The following KLRK1 variants were observed in gnomAD, a reference collection of about 807,000 sequenced individuals.
The protein encoded by KLRK1 is NKG2-D type II integral membrane protein.
Under a neutral mutation model 31.3 loss-of-function variants are expected in KLRK1, and 40 were observed. That is an observed-to-expected ratio of 1.28 (90% CI 0.99 to 1.67). The LOEUF (loss-of-function observed/expected upper bound fraction) is 1.67. Among genes scored for constraint, KLRK1 ranks in the 40% most tolerant of loss-of-function variants. The probability of loss-of-function intolerance (pLI) is 0.00; values close to 1 mark genes in which losing one functional copy is unlikely to be tolerated. For missense variants in KLRK1, 251 were observed against 260.0 expected, an observed-to-expected ratio of 0.97 and a Z score of 0.24; for synonymous variants, 77 against 77.3, an observed-to-expected ratio of 1.00 and a Z score of 0.02.
intron 7 of KLRK1, chr12:10,373,890 C>CA (rs1368496362): frequency 1.3e-5 from 2 of 151,954 alleles, no homozygotes; most frequent in Non-Finnish European, 2.9e-5. Flanking sequence ...GTAAAATTGA[C>CA]AAAAAAATAA....
At chr12:10,379,098 C>T (rs1310413921) in intron 5 of KLRK1, 3 of 179,496 alleles carry the variant, frequency 1.7e-5, no homozygotes, top group Non-Finnish European at 3.4e-5. Context: ...GGTTGCAGTC[C>T]CAGGTACTTG....
intron 3 of KLRK1, among the ~76,000 whole-genome samples, chr12:10,383,351 G>C (rs977398162): frequency 1.3e-5 from 2 of 151,952 alleles, no homozygotes; most frequent in African/African-American, 4.8e-5. Flanking sequence ...AGCAGGCACA[G>C]CTATACTTAG....
Position 10,373,006 on chromosome 12 carries a change from G to T in KLRK1, c.*108C>A. ...GAGTCTAAGAAATCTGACAGTCTTT[G>T]GTCATTTTGTCCTGTTTTTGTTTGT... On this transcript the variant is annotated 3_prime_UTR_variant, in exon 8 of 8. Coordinates refer to ENST00000240618, the MANE Select transcript of KLRK1 (RefSeq NM_007360.4). 3 of 927,508 alleles carry T rather than the reference G, an allele frequency of 3.2e-6. No homozygotes were observed. Among genetic ancestry groups the T allele is most frequent in the South Asian group, 1.5e-5 (1 of 66,910 alleles). The allele number at this position is 927,508 out of a possible 1,614,324, so 57.5% of individuals were successfully genotyped here. A position where few individuals can be genotyped will look rare whatever the true frequency, so the allele number is the denominator to read the frequency against.
Position 10,379,690 on chromosome 12 carries a change from T to G in KLRK1, c.241+10A>C, listed in dbSNP as rs963556402. ...ACAATGTTGCAATCTACTTCTCTGT[T>G]GTCACTTACAGTTTAGGAATACAGC... On this transcript the variant is annotated intron_variant, in intron 4 of 7. Coordinates refer to ENST00000240618, the MANE Select transcript of KLRK1 (RefSeq NM_007360.4). 63 of 1,592,618 alleles carry G rather than the reference T, an allele frequency of 4.0e-5. No homozygotes were observed. The highest frequency in any genetic ancestry group is 5.0e-5 in the Non-Finnish European group (58 of 1,171,170).
intron 7 of KLRK1, among the ~76,000 whole-genome samples, chr12:10,377,283 TATATG>T (rs1226307946): frequency 6.6e-6 from 1 of 152,186 alleles, no homozygotes; most frequent in Non-Finnish European, 1.5e-5. Context: ...AGTATATACT[TATATG>T]ATTCAGCCAT....
At chr12:10,374,554 C>T (rs1862928422) in intron 7 of KLRK1, among the ~76,000 whole-genome samples, 1 of 151,976 alleles carries the variant, frequency 6.6e-6, no homozygotes, top group African/African-American at 2.4e-5. Context: ...GCCACCACAT[C>T]TGGCTAATTT....
chr12:10,386,761 TTAA>T lies in KLRK1; in HGVS notation c.148+139_148+141del. The T allele has an allele frequency of 8.1e-6, 3 of 371,686 alleles. No homozygotes were observed. The East Asian group carries it at 1.4e-4, about 17-fold the overall frequency. 23.0% of individuals were successfully genotyped at this position (371,686 alleles called of 1,614,324 possible). On this transcript the variant is annotated intron_variant, in intron 3 of 7. Coordinates refer to ENST00000240618, the MANE Select transcript of KLRK1 (RefSeq NM_007360.4). ...TAATACCATAATTTTATTATATATTTTAATATTATATGAGAGTTCATGTTATTC... is the reference window on the plus strand; with the variant it reads ...TAATACCATAATTTTATTATATATTTTATTATATGAGAGTTCATGTTATTC...
At chr12:10,379,356 T>A in intron 5 of KLRK1, 91 bp downstream of exon 5, 3 of 751,326 alleles carry the variant, frequency 4.0e-6, no homozygotes, top group Non-Finnish European at 5.8e-6. Flanking sequence ...TAATTACTTT[T>A]TCCTTTTTTA....
Position 10,373,148 on chromosome 12 carries a change from G to A in KLRK1, c.617C>T (p.Pro206Leu). 1.9e-6 allele frequency: 3 copies of A among 1,611,902 alleles called. No homozygotes were observed. Among genetic ancestry groups the A allele is most frequent in the Non-Finnish European group, 2.5e-6 (3 of 1,179,280 alleles). Reference sequence around the variant, plus strand: ...CCTTTGCATGCAGATGTACGTATTTGGAGTTGAACAGTTTTCTATATAGCC... The same window carrying A: ...CCTTTGCATGCAGATGTACGTATTTAGAGTTGAACAGTTTTCTATATAGCC... ...FKGYIENCST[P>L]NTYICMQRTV The change falls in exon 8 of 8, where the codon CCA becomes CTA. Residue 206 changes from proline to leucine, a missense_variant. Pro to Leu is a moderately conservative substitution (Grantham distance 98). Coordinates refer to ENST00000240618, the MANE Select transcript of KLRK1 (RefSeq NM_007360.4).
chr12:10,381,380 C>T (rs1477578237), intron 3 of KLRK1, among the ~76,000 whole-genome samples: 1 of 152,172 alleles, frequency 6.6e-6, no homozygotes, highest in Non-Finnish European at 1.5e-5. Flanking sequence ...ACTAGACTAG[C>T]CCCACAAGAG....
Position 10,378,610 on chromosome 12 carries a change from C to T in KLRK1, c.373G>A (p.Ala125Thr). 1 of 1,612,768 alleles carries T rather than the reference C, an allele frequency of 6.2e-7. No homozygotes were observed. The highest frequency in any genetic ancestry group is 8.5e-7 in the Non-Finnish European group (1 of 1,179,710). Reference sequence around the variant, plus strand: ...CTGGCATTTTGAGACATACAAGAAGCCTGGCTCTCATACCAGTTTTTACTC... The same window carrying T: ...CTGGCATTTTGAGACATACAAGAAGTCTGGCTCTCATACCAGTTTTTACTC... ...DESKNWYESQ[A>T]SCMSQNASLL... The change falls in exon 6 of 8, where the codon GCT becomes ACT. Residue 125 changes from alanine (A) to threonine (T), a missense_variant. Transcript: ENST00000240618.
chr12:10,373,169 T>C lies in KLRK1; in HGVS notation c.596A>G (p.Tyr199Cys), dbSNP rs1454892737. Residue 199 changes from tyrosine to cysteine, a missense_variant, in exon 8 of 8, where the codon TAT becomes TGT. Coordinates refer to ENST00000240618, the MANE Select transcript of KLRK1 (RefSeq NM_007360.4). ...CALYASSFKGYIENCSTPNTY... is the reference protein window; with the variant it reads ...CALYASSFKGCIENCSTPNTY... ...ATTTGGAGTTGAACAGTTTTCTATA[T>C]AGCCTTTAAAGCTCGAGGCATAGAG... 6.2e-7 allele frequency: 1 copy of C among 1,612,600 alleles called. No homozygotes were observed. Among genetic ancestry groups the C allele is most frequent in the South Asian group, 1.1e-5 (1 of 90,742 alleles).
In KLRK1 at chr12:10,387,575, CT is replaced by C. The variant is rs778380250; in HGVS notation, c.41-566del. ...GCAGTGTGTCTAATTTTCTTCTTTT[CT>C]TTTTTTTTTTTTGAGATGGAGTGCA... is the stretch of plus-strand genomic sequence containing the variant. On this transcript the variant is annotated intron_variant, in intron 2 of 7. Transcript: ENST00000240618. Among the ~76,000 whole-genome samples the C allele has an allele frequency of 3.2e-3, 459 of 142,636 alleles. 1 individual carries two copies. Among genetic ancestry groups the C allele is most frequent in the East Asian group, 0.03 (149 of 4,972 alleles). The allele number at this position is 142,636 out of a possible 152,430, so 93.6% of individuals were successfully genotyped here. A position where few individuals can be genotyped will look rare whatever the true frequency, so the allele number is the denominator to read the frequency against.
At chr12:10,382,330 A>T (rs1233777342) in intron 3 of KLRK1, 3 of 152,280 alleles carry the variant, frequency 2.0e-5, no homozygotes, top group Non-Finnish European at 4.4e-5. Context: ...CAAAGTGAGA[A>T]TTTTAAAGGA....
chr12:10,388,012 T>C (rs775303459), intron 2 of KLRK1, among the ~76,000 whole-genome samples: 4 of 152,208 alleles, frequency 2.6e-5, no homozygotes, highest in Non-Finnish European at 2.9e-5. Flanking sequence ...TTAAAAGCCT[T>C]TTTTAAACTT....
intron 3 of KLRK1, among the ~76,000 whole-genome samples, chr12:10,385,467 G>A (rs1448241088): frequency 6.6e-6 from 1 of 151,812 alleles, no homozygotes; most frequent in East Asian, 1.9e-4. Flanking sequence ...CAACATGGAT[G>A]AGTCAGAAGT....
In KLRK1 at chr12:10,373,042, C is replaced by T. The variant is rs1170103535; in HGVS notation, c.*72G>A. On this transcript the variant is annotated 3_prime_UTR_variant, in exon 8 of 8. Transcript: ENST00000240618. ...CCTGTTTTTGTTTGTTTCCTTTAGT[C>T]TCAGTTGGCAGTGTTACCGCTGGTG... The T allele has an allele frequency of 3.0e-6, 4 of 1,344,354 alleles. No individual in the cohort carries two copies. Among genetic ancestry groups the T allele is most frequent in the Non-Finnish European group, 4.2e-6 (4 of 957,112 alleles). The allele number at this position is 1,344,354 out of a possible 1,614,324, so 83.3% of individuals were successfully genotyped here.
At position 10,386,947 on chromosome 12, in the gene KLRK1, T is replaced by C; in HGVS notation, c.104A>G (p.Gln35Arg). 6.2e-7 allele frequency: 1 copy of C among 1,612,048 alleles called. No individual in the cohort carries two copies. The highest frequency in any genetic ancestry group is 1.1e-5 in the South Asian group (1 of 90,862). Reference sequence around the variant, plus strand: ...TTTGACTACTGGACATCTTTGCTTTTGCCATCGTGTTGAAAAATCACTCTT... The same window carrying C: ...TTTGACTACTGGACATCTTTGCTTTCGCCATCGTGTTGAAAAATCACTCTT... ...LKKSDFSTRW[Q>R]KQRCPVVKSK... The change falls in exon 3 of 8, where the codon CAA (glutamine) becomes CGA (arginine). Residue 35 changes from glutamine to arginine, a missense_variant. Gln to Arg is a conservative substitution (Grantham distance 43, BLOSUM62 1). Transcript: ENST00000240618.
chr12:10,378,919 C>A, intron 5 of KLRK1: 1 of 437,742 alleles, frequency 2.3e-6, no homozygotes, highest in Non-Finnish European at 3.8e-6. Context: ...TTTGGGAGGC[C>A]AAGGCAGGTG....
Sources: allele counts gnomAD v4.1 joint callset (sites outside exome capture counted in the v4.1 genomes callset), GRCh38; gene constraint gnomAD v4.1.1; transcripts MANE v1.5; gene names NCBI Gene and HGNC (gene_info 2026-07-23, HGNC 2026-07-21).